Variants in DOCK2 observed in about 807,000 individuals in gnomAD.
The protein encoded by DOCK2 is dedicator of cytokinesis 2.
DOCK2 carries 87 observed loss-of-function variants against 248.9 expected under a neutral mutation model. That is an observed-to-expected ratio of 0.35 (90% CI 0.29 to 0.42). The LOEUF is 0.42. Among genes scored for constraint, DOCK2 ranks in the 10% least tolerant of loss-of-function variants. The pLI is 1.00. For missense variants in DOCK2, 1,747 were observed against 2,300.2 expected, an observed-to-expected ratio of 0.76 and a Z score of 4.92; for synonymous variants, 805 against 821.6, an observed-to-expected ratio of 0.98 and a Z score of 0.35.
At chr5:169,716,425 T>C (rs530066014) in intron 20 of DOCK2, 123 bp downstream of exon 20, 2 of 915,510 alleles carry the variant, frequency 2.2e-6, no homozygotes, top group East Asian at 2.6e-5. Flanking sequence ...TTTGGAGGTG[T>C]TGTAATGTTT....
chr5:169,837,260 A>G lies in DOCK2; in HGVS notation c.2704-3497A>G, dbSNP rs148696756. 3.2e-3 allele frequency among the ~76,000 whole-genome samples: 487 copies of G among 152,292 alleles called. 3 individuals are homozygous for G. Among genetic ancestry groups the G allele is most frequent in the African/African-American group, 0.011 (468 of 41,560 alleles). On this transcript the variant is annotated intron_variant, in intron 26 of 51. Transcript: ENST00000520908. ...TGGGAAGACTGATTTTGTCATTTCAATTACAAGCTACCGTTTAGTTTGAGC... is the reference window on the plus strand; with the variant it reads ...TGGGAAGACTGATTTTGTCATTTCAGTTACAAGCTACCGTTTAGTTTGAGC...
intron 20 of DOCK2, among the ~76,000 whole-genome samples, chr5:169,716,906 A>G (rs925122894): frequency 5.9e-5 from 9 of 152,304 alleles, no homozygotes; most frequent in Non-Finnish European, 1.0e-4. Context: ...CCCTTGTGTC[A>G]TGGATATTTG....
At chr5:170,069,333 T>A (rs1757602738) in intron 46 of DOCK2, 113 bp downstream of exon 46, 2 of 1,060,666 alleles carry the variant, frequency 1.9e-6, no homozygotes, top group Non-Finnish European at 2.8e-6. Flanking sequence ...CATGCCCTCC[T>A]GTCCCTTGCT....
rs78525038 is a variant in DOCK2 at position 169,818,811 on chromosome 5, C to A, written c.2703+15605C>A. The stretch of plus-strand genomic sequence containing the variant: ...ATGAGAGATTTCAGTTATTTCCAGG[C>A]TTTTCCACATAAATATTAATAATTT... On this transcript the variant is annotated intron_variant, in intron 26 of 51. Coordinates refer to ENST00000520908, the MANE Select transcript of DOCK2 (RefSeq NM_004946.3). Among the ~76,000 whole-genome samples, 793 of 152,206 alleles carry A rather than the reference C, an allele frequency of 5.2e-3. 7 individuals are homozygous for A. Among genetic ancestry groups the A allele is most frequent in the African/African-American group, 0.018 (766 of 41,520 alleles).
chr5:169,707,053 C>A (rs1041816114), intron 14 of DOCK2, among the ~76,000 whole-genome samples: 15 of 152,208 alleles, frequency 9.9e-5, no homozygotes, highest in African/African-American at 3.6e-4. Context: ...GGGGCTGGGG[C>A]TCCAAAACCA....
chr5:169,705,324 T>G (rs891807530), intron 14 of DOCK2, among the ~76,000 whole-genome samples: 2 of 152,000 alleles, frequency 1.3e-5, no homozygotes, highest in Admixed American at 1.3e-4. Flanking sequence ...AGAAGCAAAT[T>G]CTGGTGAAAG....
chr5:169,861,377 T>G (rs1190694688), intron 27 of DOCK2, among the ~76,000 whole-genome samples: 4 of 152,232 alleles, frequency 2.6e-5, no homozygotes, highest in African/African-American at 4.8e-5. Flanking sequence ...TACAAAACCT[T>G]ACATCAGTAC....
intron 27 of DOCK2, among the ~76,000 whole-genome samples, chr5:169,981,491 T>TG (rs1413338822): frequency 2.0e-5 from 3 of 152,218 alleles, no homozygotes; most frequent in African/African-American, 7.2e-5. Flanking sequence ...AATTCGGAAA[T>TG]CCAAGCAATA....
intron 46 of DOCK2, among the ~76,000 whole-genome samples, chr5:170,071,046 A>G (rs1757663724): frequency 6.6e-6 from 1 of 152,154 alleles, no homozygotes; most frequent in African/African-American, 2.4e-5. Context: ...ACCTATACAG[A>G]GGCCCACCTA....
rs555467448 is a variant in DOCK2, at chr5:169,785,690, G to C, written c.2555-17368G>C. ...GAAGTTTCTTCTTAGCTATGATTTA[G>C]TTATCCAGGGATCCTGGAGCTCTGA... On this transcript the variant is annotated intron_variant, in intron 25 of 51. Coordinates refer to ENST00000520908, the MANE Select transcript of DOCK2 (RefSeq NM_004946.3). 6.8e-4 allele frequency among the ~76,000 whole-genome samples: 104 copies of C among 152,242 alleles called. 1 individual carries two copies. Among genetic ancestry groups the C allele is most frequent in the African/African-American group, 2.4e-3 (101 of 41,552 alleles).
chr5:170,001,529 G>A (rs1281149877), intron 30 of DOCK2, among the ~76,000 whole-genome samples: 2 of 152,158 alleles, frequency 1.3e-5, no homozygotes, highest in Non-Finnish European at 2.9e-5. Context: ...GCTCTGTGAT[G>A]TCGGACAAGA....
At chr5:169,907,567 A>G in intron 27 of DOCK2, among the ~76,000 whole-genome samples, 1 of 152,244 alleles carries the variant, frequency 6.6e-6, no homozygotes, top group East Asian at 1.9e-4. Flanking sequence ...CTTTACAGGC[A>G]TTATCTAATT....
chr5:169,871,803 C>T (rs1483612126), intron 27 of DOCK2, among the ~76,000 whole-genome samples: 1 of 152,186 alleles, frequency 6.6e-6, no homozygotes, highest in Non-Finnish European at 1.5e-5. Context: ...ATGGGGGACG[C>T]TTTATGGACC....
At chr5:169,924,322 G>A (rs1775327526) in intron 27 of DOCK2, among the ~76,000 whole-genome samples, 1 of 152,172 alleles carries the variant, frequency 6.6e-6, no homozygotes, top group Non-Finnish European at 1.5e-5. Context: ...GGAAGTCTCT[G>A]TCCTCATACT....
Position 170,077,726 on chromosome 5 carries a change from G to A in DOCK2, c.4883G>A (p.Arg1628Lys). 6.2e-7 allele frequency: 1 copy of A among 1,613,816 alleles called. No individual in the cohort carries two copies. Among genetic ancestry groups the A allele is most frequent in the Non-Finnish European group, 8.5e-7 (1 of 1,179,888 alleles). Residue 1628 changes from arginine (R) to lysine (K), a missense_variant, in exon 48 of 52, where the codon AGG becomes AAG. This residue lies in a region of DOCK2 where 513 missense variants were observed against 586.1 expected (regional missense o/e 0.88). Coordinates refer to ENST00000520908, the MANE Select transcript of DOCK2 (RefSeq NM_004946.3). ...GVREMPDFDD[R>K]RVGRPRSMLR... is the part of the protein sequence containing the mutation. ...CCACCACAGCCTGACTTTGACGACA[G>A]GAGAGTGGGCCGTCCCAGGTCTATG...
intron 6 of DOCK2, among the ~76,000 whole-genome samples, chr5:169,675,300 A>T (rs534056700): frequency 6.6e-6 from 1 of 152,272 alleles, no homozygotes; most frequent in African/African-American, 2.4e-5. Flanking sequence ...TTTGAGAACT[A>T]TAAGGACCTT....
chr5:169,840,687 T>A, intron 26 of DOCK2, 70 bp from the exon 27 acceptor site: 1 of 1,434,732 alleles, frequency 7.0e-7, no homozygotes, highest in Non-Finnish European at 9.7e-7. Flanking sequence ...CACTGTTGTC[T>A]GTGTCCTTTG....
chr5:169,690,239 C>T (rs1760213408), intron 9 of DOCK2, among the ~76,000 whole-genome samples: 1 of 152,026 alleles, frequency 6.6e-6, no homozygotes, highest in Admixed American at 6.6e-5. Context: ...AATATCTTAG[C>T]ATTGTCTGTA....
chr5:170,060,954 C>T (rs536033783), intron 44 of DOCK2, among the ~76,000 whole-genome samples: 37 of 152,082 alleles, frequency 2.4e-4, no homozygotes, highest in Non-Finnish European at 1.2e-4. Flanking sequence ...CACTTGAACC[C>T]GGGAGGCGGA....
Sources: allele counts gnomAD v4.1 joint callset (sites outside exome capture counted in the v4.1 genomes callset), GRCh38; gene constraint gnomAD v4.1.1; regional missense constraint gnomAD v4.1.1; transcripts MANE v1.5; gene names NCBI Gene and HGNC (gene_info 2026-07-23, HGNC 2026-07-21).